BMP2K: variants seen among roughly 807,000 people sequenced by gnomAD.
BMP2K encodes BMP2 inducible kinase.
In BMP2K, 74 loss-of-function variants were observed where a neutral mutation model predicts 116.0. That is an observed-to-expected ratio of 0.64 (90% CI 0.53 to 0.77). BMP2K has a LOEUF of 0.77. Ranked by LOEUF, BMP2K falls within the 30% of genes least tolerant of loss-of-function variation. BMP2K has a pLI of 0.00. For missense variants in BMP2K, 1,365 were observed against 1,403.6 expected (o/e 0.97, Z 0.44); for synonymous variants, 486 against 502.5 (o/e 0.97, Z 0.44).
At chr4:78,867,214 T>C (rs903068583) in intron 10 of BMP2K, among the ~76,000 whole-genome samples, 2 of 151,752 alleles carry the variant, frequency 1.3e-5, no homozygotes, top group Admixed American at 1.3e-4. Context: ...AGAGGTGTTA[T>C]GATATGTTTA....
At chr4:78,804,309 A>T (rs1372654813) in intron 1 of BMP2K, among the ~76,000 whole-genome samples, 1 of 152,194 alleles carries the variant, frequency 6.6e-6, no homozygotes, top group African/African-American at 2.4e-5. Flanking sequence ...TTATGGCTGA[A>T]TATTCCTTTA....
At chr4:78,825,164 A>C (rs1489554356) in intron 1 of BMP2K, among the ~76,000 whole-genome samples, 1 of 152,180 alleles carries the variant, frequency 6.6e-6, no homozygotes, top group East Asian at 1.9e-4. Context: ...AGATTGTGCC[A>C]CTGTACTCCA....
At chr4:78,846,822 T>C (rs1427446713) in intron 5 of BMP2K, among the ~76,000 whole-genome samples, 11 of 151,760 alleles carry the variant, frequency 7.2e-5, no homozygotes, top group Admixed American at 5.3e-4. Context: ...TACTTTTAAG[T>C]TAATAGACTA....
intron 1 of BMP2K, among the ~76,000 whole-genome samples, chr4:78,794,629 C>T (rs1041414946): frequency 5.3e-5 from 8 of 152,048 alleles, no homozygotes; most frequent in Admixed American, 2.6e-4. Flanking sequence ...GTAGCATGAT[C>T]TTGGCTCACT....
chr4:78,830,550 G>T (rs114888521), intron 2 of BMP2K, among the ~76,000 whole-genome samples: 1 of 152,130 alleles, frequency 6.6e-6, no homozygotes, highest in Non-Finnish European at 1.5e-5. Context: ...ATCCTAGATG[G>T]CATCTTCCTC....
At chr4:78,900,256 T>C (rs1335279045) in intron 15 of BMP2K, among the ~76,000 whole-genome samples, 1 of 152,228 alleles carries the variant, frequency 6.6e-6, no homozygotes, top group Non-Finnish European at 1.5e-5. Flanking sequence ...ATTCAAAATA[T>C]GTTATTAGTT....
chr4:78,912,075 A>G lies in BMP2K; in HGVS notation c.*42A>G, dbSNP rs1286351531. The G allele has an allele frequency of 6.6e-7, 1 of 1,514,766 alleles. No individual in the cohort carries two copies. Among genetic ancestry groups the G allele is most frequent in the South Asian group, 1.3e-5 (1 of 77,696 alleles). 93.8% of individuals were successfully genotyped at this position (1,514,766 alleles called of 1,614,324 possible). On this transcript the variant is annotated 3_prime_UTR_variant, in exon 16 of 16. Transcript: ENST00000502613. Reference sequence around the variant, plus strand: ...CTCGGCATTAACTCCTGTTTCAAAAAAGTGTGAACAGTTTTATGAATTTGA... The same window carrying G: ...CTCGGCATTAACTCCTGTTTCAAAAGAGTGTGAACAGTTTTATGAATTTGA...
intron 7 of BMP2K, among the ~76,000 whole-genome samples, chr4:78,856,532 T>C (rs1156370453): frequency 6.6e-6 from 1 of 152,150 alleles, no homozygotes; most frequent in Non-Finnish European, 1.5e-5. Flanking sequence ...TTTTTTTAAA[T>C]TGCTGATAAT....
chr4:78,886,074 T>G (rs560266545), intron 14 of BMP2K, among the ~76,000 whole-genome samples: 1 of 152,320 alleles, frequency 6.6e-6, no homozygotes, highest in South Asian at 2.1e-4. Flanking sequence ...GTCATCTCAC[T>G]GTGTTGCTCA....
intron 15 of BMP2K, among the ~76,000 whole-genome samples, chr4:78,888,719 C>T (rs1031437041): frequency 6.6e-6 from 1 of 152,246 alleles, no homozygotes; most frequent in Admixed American, 6.5e-5. Flanking sequence ...AGCTCGATTG[C>T]TGCTATTTTG....
At chr4:78,898,096 G>C (rs1486298334) in intron 15 of BMP2K, among the ~76,000 whole-genome samples, 1 of 152,182 alleles carries the variant, frequency 6.6e-6, no homozygotes, top group East Asian at 1.9e-4. Flanking sequence ...AGGGCATTCA[G>C]AGCAGAGAGA....
At chr4:78,899,306 G>A (rs1733875982) in intron 15 of BMP2K, among the ~76,000 whole-genome samples, 1 of 152,150 alleles carries the variant, frequency 6.6e-6, no homozygotes, top group Admixed American at 6.6e-5. Context: ...GCAGATTTTT[G>A]TTTCAGCAAA....
At chr4:78,807,581 T>C (rs1728880643) in intron 1 of BMP2K, among the ~76,000 whole-genome samples, 2 of 151,946 alleles carry the variant, frequency 1.3e-5, no homozygotes, top group South Asian at 2.1e-4. Context: ...TTTTTTTTTA[T>C]TACTAACTCA....
rs140865607 is a variant in BMP2K, at chr4:78,897,568, G to A, written c.2062+10284G>A. On this transcript the variant is annotated intron_variant, in intron 15 of 15. Coordinates refer to ENST00000502613, the MANE Select transcript of BMP2K (RefSeq NM_198892.2). ...TTGAACCATTTACTTCATTTTCCTTGTAGATCTAATATTTATACCTGTTAA... is the reference window on the plus strand; with the variant it reads ...TTGAACCATTTACTTCATTTTCCTTATAGATCTAATATTTATACCTGTTAA... Among the ~76,000 whole-genome samples the A allele has an allele frequency of 3.4e-3, 513 of 152,166 alleles. 2 individuals are homozygous for A. Among genetic ancestry groups the A allele is most frequent in the Non-Finnish European group, 5.3e-3 (358 of 67,976 alleles).
chr4:78,883,968 C>T (rs1732968877), intron 14 of BMP2K, among the ~76,000 whole-genome samples: 1 of 152,112 alleles, frequency 6.6e-6, no homozygotes, highest in African/African-American at 2.4e-5. Flanking sequence ...GAGGCTGAGC[C>T]TGGGAGGCAG....
Position 78,915,993 on chromosome 4 carries a change from A to AG in BMP2K, c.*3961dup, listed in dbSNP as rs1033416021. On this transcript the variant is annotated 3_prime_UTR_variant, in exon 16 of 16. Transcript: ENST00000502613. ...TTTTTGTTAAACTTGAATTTTCTGA[A>AG]GCCTTTTATGTACCACTAAGCAAAT... The AG allele has an allele frequency of 6.6e-6, 1 of 151,892 alleles. No homozygotes were observed. The highest frequency in any genetic ancestry group is 2.4e-5 in the African/African-American group (1 of 41,422). The allele number at this position is 151,892 out of a possible 1,614,324, so 9.4% of individuals were successfully genotyped here. A position where few individuals can be genotyped will look rare whatever the true frequency, so the allele number is the denominator to read the frequency against.
chr4:78,833,466 T>G, intron 2 of BMP2K, 116 bp from the exon 3 acceptor site: 1 of 677,172 alleles, frequency 1.5e-6, no homozygotes. Context: ...GATTCTGTAC[T>G]CATGCCTAAT....
At chr4:78,789,189 C>T (rs995792825) in intron 1 of BMP2K, among the ~76,000 whole-genome samples, 1 of 152,032 alleles carries the variant, frequency 6.6e-6, no homozygotes. Flanking sequence ...AGTGATTGTC[C>T]AAATTTAGTT....
chr4:78,909,821 T>C (rs145563328), intron 15 of BMP2K, among the ~76,000 whole-genome samples: 422 of 152,340 alleles, frequency 2.8e-3, no homozygotes, highest in African/African-American at 9.8e-3. Context: ...GAAACCATGT[T>C]TCTTTTACTC....
Sources: gnomAD v4.1 joint callset for allele counts (sites outside exome capture counted in the v4.1 genomes callset) on GRCh38, gnomAD v4.1.1 for gene constraint, MANE v1.5 for transcripts, NCBI Gene and HGNC (gene_info 2026-07-23, HGNC 2026-07-21) for gene names.